Variants in AGPAT3 observed in about 807,000 individuals in gnomAD.
The protein encoded by AGPAT3 is 1-acyl-sn-glycerol-3-phosphate acyltransferase gamma.
A neutral mutation model predicts 47.3 loss-of-function variants in AGPAT3; 5 were observed. That is an observed-to-expected ratio of 0.11 (90% CI 0.06 to 0.22). AGPAT3 has a LOEUF of 0.22. AGPAT3 is among the 10% of genes least tolerant of loss of function. AGPAT3 has a pLI of 1.00. For synonymous variants in AGPAT3, 212 were observed against 208.3 expected, an observed-to-expected ratio of 1.02 and a Z score of -0.15; for missense variants, 315 against 493.0, an observed-to-expected ratio of 0.64 and a Z score of 3.42.
chr21:43,975,007 C>T (rs562916561), intron 7 of AGPAT3, among the ~76,000 whole-genome samples: 17 of 151,600 alleles, frequency 1.1e-4, no homozygotes, highest in African/African-American at 3.6e-4. Context: ...CTGGTGTGTG[C>T]TGTGTGCTGT....
rs2086563147 is a variant in AGPAT3 at position 43,908,800 on chromosome 21, T to G, written c.-49+4781T>G. ...GCCTGCCAGCTCCAGGCTGCAAAAG[T>G]CCCTCGTCATTTCATTTCCTTCCAT... On this transcript the variant is annotated intron_variant, in intron 2 of 9. Coordinates refer to ENST00000291572, the MANE Select transcript of AGPAT3 (RefSeq NM_020132.5). This position sits in a 1 kb window ranked among gnomAD's most constrained non-coding sequence, Gnocchi z 4.9. Among the ~76,000 whole-genome samples, 1 of 152,152 alleles carries G rather than the reference T, an allele frequency of 6.6e-6. No homozygotes were observed. The highest frequency in any genetic ancestry group is 2.4e-5 in the African/African-American group (1 of 41,436).
chr21:43,910,480 T>A (rs1280435241), intron 2 of AGPAT3, among the ~76,000 whole-genome samples: 1 of 152,146 alleles, frequency 6.6e-6, no homozygotes, highest in Non-Finnish European at 1.5e-5. Flanking sequence ...GTGAATTAGG[T>A]GAATACAGGT....
At position 43,908,116 on chromosome 21, in the gene AGPAT3, T is replaced by C. The variant is rs2086547809; in HGVS notation, c.-49+4097T>C. Among the ~76,000 whole-genome samples the C allele has an allele frequency of 6.6e-6, 1 of 152,194 alleles. No homozygotes were observed. Among genetic ancestry groups the C allele is most frequent in the African/African-American group, 2.4e-5 (1 of 41,440 alleles). Reference sequence around the variant, plus strand: ...CCTGAATGCTTCAGAGCCTAAATTATGTGGGAAAAACGTGTGTGTGTTCCA... The same window carrying C: ...CCTGAATGCTTCAGAGCCTAAATTACGTGGGAAAAACGTGTGTGTGTTCCA... On this transcript the variant is annotated intron_variant, in intron 2 of 9. Transcript: ENST00000291572. The surrounding 1 kb of genome is among the most constrained non-coding windows in gnomAD (Gnocchi z 4.9).
At chr21:43,948,908 T>C (rs1452401005) in intron 2 of AGPAT3, among the ~76,000 whole-genome samples, 2 of 152,216 alleles carry the variant, frequency 1.3e-5, no homozygotes, top group Non-Finnish European at 2.9e-5. Context: ...CTCCAGGTGC[T>C]GAGGTGCCCC....
chr21:43,969,892 T>A (rs2089321962), intron 5 of AGPAT3, among the ~76,000 whole-genome samples: 2 of 152,168 alleles, frequency 1.3e-5, no homozygotes, highest in South Asian at 4.1e-4. Context: ...AGAGATGGGG[T>A]TTCACCATGT....
At position 43,976,072 on chromosome 21, in the gene AGPAT3, TA is replaced by T. The variant is rs201237644; in HGVS notation, c.768-1973del. 8.4e-3 allele frequency among the ~76,000 whole-genome samples: 1,258 copies of T among 149,944 alleles called. 26 individuals carry two copies. The highest frequency in any genetic ancestry group is 0.028 in the African/African-American group (1,155 of 40,606). ...ATAAAATTTTATAGAAAATGATTTTTATTTTTTTTTTTTGAGACGGAGTCTC... is the reference window on the plus strand; with the variant it reads ...ATAAAATTTTATAGAAAATGATTTTTTTTTTTTTTTTTGAGACGGAGTCTC... On this transcript the variant is annotated intron_variant, in intron 7 of 9. Transcript: ENST00000291572.
chr21:43,986,557 GT>G lies in AGPAT3; in HGVS notation c.*4166del. 6.6e-6 allele frequency: 1 copy of G among 152,600 alleles called. No individual in the cohort carries two copies. Among genetic ancestry groups the G allele is most frequent in the East Asian group, 1.9e-4 (1 of 5,198 alleles). 9.5% of individuals were successfully genotyped at this position (152,600 alleles called of 1,614,324 possible). A position where few individuals can be genotyped will look rare whatever the true frequency, so the allele number is the denominator to read the frequency against. ...ATGAAGAAATGCATCTGATCTACTT[GT>G]ATTTATTGTCTCAGAATTGTACGTT... On this transcript the variant is annotated 3_prime_UTR_variant, in exon 10 of 10. Transcript: ENST00000291572.
At chr21:43,973,401 C>T (rs750434064) in intron 7 of AGPAT3, among the ~76,000 whole-genome samples, 12 of 152,206 alleles carry the variant, frequency 7.9e-5, no homozygotes, top group African/African-American at 2.7e-4. Flanking sequence ...GTCATCTTCA[C>T]GAGAGGAGCC....
At chr21:43,909,356 C>A (rs956992259) in intron 2 of AGPAT3, among the ~76,000 whole-genome samples, 1 of 145,942 alleles carries the variant, frequency 6.9e-6, no homozygotes, top group African/African-American at 2.6e-5. Context: ...AGTGTGGTGG[C>A]GTGATCTCGG....
chr21:43,881,424 C>T (rs1430399090), intron 1 of AGPAT3, among the ~76,000 whole-genome samples: 3 of 152,182 alleles, frequency 2.0e-5, no homozygotes, highest in African/African-American at 7.2e-5. Context: ...CCTCAGAGAA[C>T]GTGTCATACC....
At chr21:43,867,241 A>T (rs989328158) in intron 1 of AGPAT3, 2 of 152,374 alleles carry the variant, frequency 1.3e-5, no homozygotes, top group Admixed American at 6.5e-5. Context: ...AGGTTGTGTC[A>T]CGGAACGGCA....
intron 1 of AGPAT3, among the ~76,000 whole-genome samples, chr21:43,890,122 G>A (rs1014194473): frequency 1.3e-5 from 2 of 152,180 alleles, no homozygotes; most frequent in Admixed American, 6.5e-5. Flanking sequence ...GGGCCTGGTG[G>A]GAGGGGATCG....
rs2086875090 is a variant in AGPAT3 at position 43,920,793 on chromosome 21, ATCTCT to A, written c.-49+16777_-49+16781del. On this transcript the variant is annotated intron_variant, in intron 2 of 9. Transcript: ENST00000291572. The surrounding 1 kb of genome is among the most constrained non-coding windows in gnomAD (Gnocchi z 6.1). Reference sequence around the variant, plus strand: ...CCCTGCCCCATACCTCACCCTGTGCATCTCTTCATCTGTATCTTTTGTAACATCCT... The same window carrying A: ...CCCTGCCCCATACCTCACCCTGTGCATCATCTGTATCTTTTGTAACATCCT... Among the ~76,000 whole-genome samples, 1 of 152,140 alleles carries A rather than the reference ATCTCT, an allele frequency of 6.6e-6. No homozygotes were observed. Among genetic ancestry groups the A allele is most frequent in the African/African-American group, 2.4e-5 (1 of 41,428 alleles).
chr21:43,963,800 G>A (rs113718600), intron 3 of AGPAT3, among the ~76,000 whole-genome samples: 2,489 of 151,930 alleles, frequency 0.016, 64 homozygotes, highest in African/African-American at 0.056. Context: ...CAGTGAGGCC[G>A]ACAGCAGATT....
chr21:43,903,918 C>T (rs1296650869), intron 1 of AGPAT3, 39 bp from the exon 2 acceptor site: 1 of 152,316 alleles, frequency 6.6e-6, no homozygotes, highest in Non-Finnish European at 1.5e-5. Context: ...CTCTCCAGTC[C>T]TGCGCAAGCA....
At chr21:43,957,685 C>A (rs966105998) in intron 2 of AGPAT3, among the ~76,000 whole-genome samples, 2 of 149,326 alleles carry the variant, frequency 1.3e-5, no homozygotes, top group African/African-American at 5.0e-5. Flanking sequence ...TCCCCCTCCA[C>A]AGGGGGGTCT....
rs2087341773 is a variant in AGPAT3, at chr21:43,933,853, G to C, written c.-48-25781G>C. ...GCGCCTGCCACGAGCCTCACGTGGA[G>C]AGTGGACAGTGGCATGGAAACGCCA... On this transcript the variant is annotated intron_variant, in intron 2 of 9. Transcript: ENST00000291572. The surrounding 1 kb of genome is among the most constrained non-coding windows in gnomAD (Gnocchi z 6.0). Among the ~76,000 whole-genome samples, 1 of 152,148 alleles carries C rather than the reference G, an allele frequency of 6.6e-6. No homozygotes were observed. The highest frequency in any genetic ancestry group is 1.5e-5 in the Non-Finnish European group (1 of 68,040).
intron 2 of AGPAT3, among the ~76,000 whole-genome samples, chr21:43,943,753 G>A (rs558862450): frequency 2.6e-5 from 4 of 152,334 alleles, no homozygotes; most frequent in South Asian, 2.1e-4. Context: ...GGGGCGGGCC[G>A]CGTGCTGTTG....
At chr21:43,928,527 C>G (rs528673925) in intron 2 of AGPAT3, among the ~76,000 whole-genome samples, 1 of 152,326 alleles carries the variant, frequency 6.6e-6, no homozygotes, top group African/African-American at 2.4e-5. Context: ...TTCTCCCGAC[C>G]CGTAGGCTGC....
Sources: allele counts gnomAD v4.1 joint callset (sites outside exome capture counted in the v4.1 genomes callset), GRCh38; gene constraint gnomAD v4.1.1; non-coding constraint Gnocchi (gnomAD v3.1); transcripts MANE v1.5; gene names NCBI Gene and HGNC (gene_info 2026-07-23, HGNC 2026-07-21).